ZMYND11: variants seen among roughly 807,000 people sequenced by gnomAD.
ZMYND11 encodes zinc finger MYND domain-containing protein 11.
In ZMYND11, 9 loss-of-function variants were observed where a neutral mutation model predicts 84.9. The ratio of observed to expected loss-of-function variants is 0.11; its 90% CI spans 0.06 to 0.18. The LOEUF (loss-of-function observed/expected upper bound fraction) is 0.18, where lower values mean the gene tolerates loss of function less well. Ranked by LOEUF, ZMYND11 falls within the 10% of genes least tolerant of loss-of-function variation. ZMYND11 has a pLI of 1.00. For synonymous variants in ZMYND11, 250 were observed against 244.1 expected (o/e 1.02, Z -0.23); for missense variants, 409 against 761.0 (o/e 0.54, Z 5.44).
intron 2 of ZMYND11, among the ~76,000 whole-genome samples, chr10:187,733 G>T (rs1298714110): frequency 2.0e-5 from 3 of 152,030 alleles, no homozygotes; most frequent in Non-Finnish European, 2.9e-5. Context: ...ATCAAAATAT[G>T]TATATGTGGT....
At chr10:165,664 C>G (rs1267506894) in intron 1 of ZMYND11, among the ~76,000 whole-genome samples, 1 of 152,090 alleles carries the variant, frequency 6.6e-6, no homozygotes, top group Non-Finnish European at 1.5e-5. Flanking sequence ...TGACACTCAC[C>G]TCTCCCTTCT....
intron 10 of ZMYND11, among the ~76,000 whole-genome samples, chr10:243,232 CAGAG>C (rs952372018): frequency 6.6e-6 from 1 of 152,144 alleles, no homozygotes; most frequent in Admixed American, 6.6e-5. Flanking sequence ...AATGTTGCTA[CAGAG>C]AGACCTGAGC....
intron 1 of ZMYND11, among the ~76,000 whole-genome samples, chr10:173,474 G>T (rs1295524765): frequency 6.6e-6 from 1 of 152,178 alleles, no homozygotes; most frequent in African/African-American, 2.4e-5. Flanking sequence ...GAAATGGACA[G>T]AAGGGCAAAG....
At chr10:172,084 C>A (rs1845462372) in intron 1 of ZMYND11, among the ~76,000 whole-genome samples, 1 of 152,140 alleles carries the variant, frequency 6.6e-6, no homozygotes, top group African/African-American at 2.4e-5. Context: ...AATGGCCAGG[C>A]ACGTCTCTGA....
intron 10 of ZMYND11, among the ~76,000 whole-genome samples, chr10:245,795 T>G (rs987972571): frequency 1.3e-5 from 2 of 152,200 alleles, no homozygotes; most frequent in Non-Finnish European, 2.9e-5. Flanking sequence ...AATTATTCCT[T>G]AGTTCTTTCT....
At chr10:241,463 C>T (rs551387896) in intron 9 of ZMYND11, among the ~76,000 whole-genome samples, 1 of 152,222 alleles carries the variant, frequency 6.6e-6, no homozygotes, top group Non-Finnish European at 1.5e-5. Context: ...CAGGCATGAG[C>T]CACCACACCC....
intron 7 of ZMYND11, 64 bp from the exon 8 acceptor site, chr10:239,992 T>A: frequency 1.4e-6 from 2 of 1,393,944 alleles, no homozygotes; most frequent in South Asian, 1.3e-5. Context: ...AAGAAAAGGA[T>A]AGTAACTTTG....
chr10:134,344 G>A (rs1430842499), upstream of ZMYND11: 2 of 152,240 alleles, frequency 1.3e-5, no homozygotes, highest in Admixed American at 1.3e-4. Flanking sequence ...GTGGCGAAAG[G>A]TCCTCAGGGA....
chr10:222,938 G>A (rs1947387342), intron 4 of ZMYND11, among the ~76,000 whole-genome samples: 2 of 152,006 alleles, frequency 1.3e-5, no homozygotes. Flanking sequence ...AATGGGAATT[G>A]AACAATTATT....
chr10:149,324 A>ATTATTT (rs1433429958), intron 1 of ZMYND11, among the ~76,000 whole-genome samples: 6 of 144,496 alleles, frequency 4.2e-5, no homozygotes, highest in South Asian at 2.2e-4. Context: ...TATTATTATT[A>ATTATTT]TTTTTCAGAC....
At chr10:250,723 A>G (rs1013295379) in intron 14 of ZMYND11, among the ~76,000 whole-genome samples, 1 of 152,018 alleles carries the variant, frequency 6.6e-6, no homozygotes, top group Non-Finnish European at 1.5e-5. Context: ...TGCTCATCAC[A>G]TTCTAGTAAA....
At chr10:146,809 C>T (rs782433471) in intron 1 of ZMYND11, among the ~76,000 whole-genome samples, 1 of 152,196 alleles carries the variant, frequency 6.6e-6, no homozygotes, top group East Asian at 1.9e-4. Flanking sequence ...ATGCTGTTCT[C>T]ATCATAGTGA....
At chr10:196,147 C>CTA (rs1451578921) in intron 2 of ZMYND11, among the ~76,000 whole-genome samples, 1 of 152,154 alleles carries the variant, frequency 6.6e-6, no homozygotes, top group African/African-American at 2.4e-5. Context: ...TTCTTTTTGG[C>CTA]TATTTCTCTT....
intron 3 of ZMYND11, among the ~76,000 whole-genome samples, chr10:220,436 G>A (rs1020315219): frequency 2.6e-5 from 4 of 151,994 alleles, no homozygotes; most frequent in Non-Finnish European, 5.9e-5. Flanking sequence ...AAGGGTATTA[G>A]CTGTATAAAA....
intron 3 of ZMYND11, among the ~76,000 whole-genome samples, chr10:213,704 T>G (rs533040783): frequency 1.3e-5 from 2 of 152,270 alleles, no homozygotes; most frequent in Admixed American, 1.3e-4. Context: ...CTGAGATACT[T>G]TGTATCAGCA....
chr10:232,565 C>T (rs1949186599), intron 4 of ZMYND11, among the ~76,000 whole-genome samples: 2 of 152,204 alleles, frequency 1.3e-5, no homozygotes, highest in Non-Finnish European at 2.9e-5. Flanking sequence ...CTGTCGGCCT[C>T]TGTGGCCTTC....
chr10:141,256 C>T (rs1837431212), intron 1 of ZMYND11, among the ~76,000 whole-genome samples: 1 of 152,120 alleles, frequency 6.6e-6, no homozygotes, highest in South Asian at 2.1e-4. Context: ...ATCTTGACCC[C>T]ATTTATTAAT....
intron 1 of ZMYND11, among the ~76,000 whole-genome samples, chr10:146,690 G>T (rs754426192): frequency 6.6e-6 from 1 of 152,126 alleles, no homozygotes; most frequent in East Asian, 1.9e-4. Context: ...ATATGGTTTG[G>T]CCATGTCCCC....
chr10:245,873 C>A (rs1210978328), intron 10 of ZMYND11, among the ~76,000 whole-genome samples: 3 of 152,108 alleles, frequency 2.0e-5, no homozygotes. Flanking sequence ...TCAGAAGACC[C>A]GAGAGATTCC....
Sources: gnomAD v4.1 joint callset for allele counts (sites outside exome capture counted in the v4.1 genomes callset) on GRCh38, gnomAD v4.1.1 for gene constraint, MANE v1.5 for transcripts, NCBI Gene and HGNC (gene_info 2026-07-23, HGNC 2026-07-21) for gene names.